Variants in PGPEP1 observed in about 807,000 individuals in gnomAD.
The protein encoded by PGPEP1 is pyroglutamyl-peptidase I, also known as pyroglutamyl-peptidase 1.
In PGPEP1, 15 loss-of-function variants were observed where a neutral mutation model predicts 24.1. That is an observed-to-expected ratio of 0.62 (90% CI 0.42 to 0.96). The LOEUF is 0.96. Among genes scored for constraint, PGPEP1 ranks in the 40% least tolerant of loss-of-function variants. The pLI, the probability that PGPEP1 is intolerant of heterozygous loss-of-function variation, is 0.00. For synonymous variants in PGPEP1, 122 were observed against 116.4 expected (o/e 1.05, Z -0.31); for missense variants, 242 against 273.4 (o/e 0.89, Z 0.81).
At chr19:18,341,160 G>A (rs1279687540) in intron 1 of PGPEP1, among the ~76,000 whole-genome samples, 1 of 152,198 alleles carries the variant, frequency 6.6e-6, no homozygotes, top group East Asian at 1.9e-4. Context: ...AAGTGTCCCA[G>A]TGACAAATGA....
chr19:18,350,995 C>T (rs867483670), intron 2 of PGPEP1, among the ~76,000 whole-genome samples: 2 of 151,596 alleles, frequency 1.3e-5, no homozygotes, highest in South Asian at 2.1e-4. Context: ...TACTTTTGGC[C>T]GGGCACAGTG....
intron 2 of PGPEP1, among the ~76,000 whole-genome samples, chr19:18,350,633 T>C (rs939370894): frequency 1.1e-4 from 16 of 152,244 alleles, no homozygotes; most frequent in Non-Finnish European, 2.9e-5. Flanking sequence ...TGTAGGGGAA[T>C]GTTTAAATCC....
chr19:18,363,033 T>TGTGTGTGTGTGTGTG (rs1971390850), intron 4 of PGPEP1, among the ~76,000 whole-genome samples: 12 of 136,786 alleles, frequency 8.8e-5, no homozygotes, highest in African/African-American at 2.5e-4. Context: ...TTTTTTTTGT[T>TGTGTGTGTGTGTGTG]TGTGTGTGTG....
rs563339934 is a variant in PGPEP1 at position 18,363,904 on chromosome 19, G to A, written c.*321G>A. 2.8e-4 allele frequency: 70 copies of A among 250,396 alleles called. No homozygotes were observed. The highest frequency in any genetic ancestry group is 1.9e-3 in the Admixed American group (38 of 20,484). The allele number at this position is 250,396 out of a possible 1,614,324, so 15.5% of individuals were successfully genotyped here. On this transcript the variant is annotated 3_prime_UTR_variant, in exon 5 of 5. Coordinates refer to ENST00000269919, the MANE Select transcript of PGPEP1 (RefSeq NM_017712.4). Reference sequence around the variant, plus strand: ...GTGAATCCATGAGCTGCGATACCACGGCTGGGGCCATATGTTCACCTGCTT... The same window carrying A: ...GTGAATCCATGAGCTGCGATACCACAGCTGGGGCCATATGTTCACCTGCTT...
chr19:18,340,622 G>T lies in PGPEP1; in HGVS notation c.-60G>T. 2.9e-5 allele frequency: 42 copies of T among 1,462,958 alleles called. No individual in the cohort carries two copies. The highest frequency in any genetic ancestry group is 2.8e-4 in the South Asian group (22 of 78,534). 90.6% of individuals were successfully genotyped at this position (1,462,958 alleles called of 1,614,324 possible). ...CCTCGCGCGGCCGAGAGGCTGCAGC[G>T]GCAGCAGCTGTCGCGCCAGTCGCAA... is the stretch of plus-strand genomic sequence containing the variant. On this transcript the variant is annotated 5_prime_UTR_variant, in exon 1 of 5. Coordinates refer to ENST00000269919, the MANE Select transcript of PGPEP1 (RefSeq NM_017712.4).
At chr19:18,348,180 C>T (rs191398878) in intron 2 of PGPEP1, among the ~76,000 whole-genome samples, 69 of 152,134 alleles carry the variant, frequency 4.5e-4, no homozygotes, top group African/African-American at 1.2e-3. Flanking sequence ...GTTTCTCTTC[C>T]GAGGAGGTGC....
chr19:18,363,209 C>T (rs1021115431), intron 4 of PGPEP1, among the ~76,000 whole-genome samples, 182 bp from the exon 5 acceptor site: 14 of 152,026 alleles, frequency 9.2e-5, no homozygotes, highest in African/African-American at 1.7e-4. Context: ...GCACGTGCCA[C>T]CACCTCTGGT....
At chr19:18,354,638 C>T (rs1297601588) in intron 2 of PGPEP1, among the ~76,000 whole-genome samples, 3 of 152,136 alleles carry the variant, frequency 2.0e-5, no homozygotes, top group Non-Finnish European at 4.4e-5. Flanking sequence ...CCATCTCAGC[C>T]TCCTGAATAG....
At chr19:18,357,697 G>T (rs1026542708) in intron 4 of PGPEP1, 82 bp downstream of exon 4, 7 of 998,158 alleles carry the variant, frequency 7.0e-6, no homozygotes, top group South Asian at 1.4e-5. Flanking sequence ...CAAGCGTGTT[G>T]ACCTTGGCCT....
At chr19:18,343,182 T>C (rs1165139873) in intron 2 of PGPEP1, among the ~76,000 whole-genome samples, 3 of 152,032 alleles carry the variant, frequency 2.0e-5, no homozygotes, top group Non-Finnish European at 4.4e-5. Flanking sequence ...GTATTTTTAG[T>C]AGAGTCGGGG....
chr19:18,346,609 C>T (rs544234554), intron 2 of PGPEP1, among the ~76,000 whole-genome samples: 44 of 146,626 alleles, frequency 3.0e-4, no homozygotes, highest in African/African-American at 1.1e-3. Flanking sequence ...TTCACCTTCT[C>T]TATCTGTGTG....
At chr19:18,351,301 T>G (rs1971016396) in intron 2 of PGPEP1, among the ~76,000 whole-genome samples, 1 of 151,428 alleles carries the variant, frequency 6.6e-6, no homozygotes, top group Admixed American at 6.6e-5. Context: ...TAAGTGCTGT[T>G]GGACTTTGTC....
chr19:18,344,981 A>G (rs768085470), intron 2 of PGPEP1, among the ~76,000 whole-genome samples: 9 of 151,998 alleles, frequency 5.9e-5, no homozygotes, highest in Non-Finnish European at 8.8e-5. Flanking sequence ...CTCTCTCCAG[A>G]CCTGCAGTTT....
At chr19:18,357,351 C>A in intron 3 of PGPEP1, 32 bp from the exon 4 acceptor site, 2 of 1,545,762 alleles carry the variant, frequency 1.3e-6, no homozygotes, top group Non-Finnish European at 1.8e-6. Context: ...CACGGGCAGG[C>A]CATGTTAAGT....
At chr19:18,341,652 C>T (rs1219109133) in intron 1 of PGPEP1, among the ~76,000 whole-genome samples, 1 of 152,150 alleles carries the variant, frequency 6.6e-6, no homozygotes, top group African/African-American at 2.4e-5. Flanking sequence ...TCCAGCCTTC[C>T]TTTATCTGGT....
rs1377019926 is a variant in PGPEP1, at chr19:18,363,401, G to T, written c.448G>T (p.Asp150Tyr). Reference protein sequence around the residue: ...ISQDAGRYLCDFTYYTSLYQS... With the variant: ...ISQDAGRYLCYFTYYTSLYQS... ...CGCCCTGCGGCTTAGATATCTCTGC[G>T]ACTTTACCTACTACACCTCTTTGTA... The change falls in exon 5 of 5, where the codon GAC becomes TAC. Residue 150 changes from aspartate to tyrosine, a missense_variant. Physicochemically the swap from Asp to Tyr is radical, Grantham distance 160 (BLOSUM62 -3). Transcript: ENST00000269919. 6.2e-7 allele frequency: 1 copy of T among 1,607,490 alleles called. No individual in the cohort carries two copies. The highest frequency in any genetic ancestry group is 2.2e-5 in the East Asian group (1 of 44,644).
intron 2 of PGPEP1, among the ~76,000 whole-genome samples, chr19:18,350,223 C>T (rs986484995): frequency 3.3e-5 from 5 of 152,024 alleles, no homozygotes; most frequent in Non-Finnish European, 7.4e-5. Context: ...CGGGGTTTCA[C>T]CATGTTGGCC....
In PGPEP1 at chr19:18,357,401, G is replaced by T; in HGVS notation, c.223G>T (p.Val75Leu). 2 of 1,613,638 alleles carry T rather than the reference G, an allele frequency of 1.2e-6. No individual in the cohort carries two copies. The highest frequency in any genetic ancestry group is 8.5e-7 in the Non-Finnish European group (1 of 1,179,826). The part of the protein sequence containing the change: ...HSPQLVVHVG[V>L]SGMATTVTLE... Reference sequence around the variant, plus strand: ...TGTGCAGCTGGTGGTGCATGTGGGGGTGTCAGGCATGGCGACCACAGTCAC... The same window carrying T: ...TGTGCAGCTGGTGGTGCATGTGGGGTTGTCAGGCATGGCGACCACAGTCAC... Residue 75 changes from valine (V) to leucine (L), a missense_variant, in exon 4 of 5, where the codon GTG (valine) becomes TTG (leucine). Transcript: ENST00000269919.
intron 1 of PGPEP1, 95 bp downstream of exon 1, chr19:18,340,810 G>A (rs1244018668): frequency 2.1e-6 from 2 of 939,178 alleles, no homozygotes; most frequent in Non-Finnish European, 2.9e-6. Context: ...GGTGCTGGAA[G>A]TCCTCTCAGA....
Sources: allele counts gnomAD v4.1 joint callset (sites outside exome capture counted in the v4.1 genomes callset), GRCh38; gene constraint gnomAD v4.1.1; transcripts MANE v1.5; gene names NCBI Gene and HGNC (gene_info 2026-07-23, HGNC 2026-07-21).